The following ERBB4 variants were observed in gnomAD, a reference collection of about 807,000 sequenced individuals.
The protein encoded by ERBB4 is receptor tyrosine-protein kinase erbB-4.
ERBB4 carries 42 observed loss-of-function variants against 158.0 expected under a neutral mutation model. That is an observed-to-expected ratio of 0.27 (90% CI 0.21 to 0.34). ERBB4 has a LOEUF of 0.34. Ranked by LOEUF, ERBB4 falls within the 10% of genes least tolerant of loss-of-function variation. The pLI is 1.00. For missense variants in ERBB4, 1,333 were observed against 1,624.1 expected (o/e 0.82, Z 3.08); for synonymous variants, 583 against 558.7 (o/e 1.04, Z -0.61).
chr2:212,253,841 C>T (rs761138053), intron 1 of ERBB4, among the ~76,000 whole-genome samples: 2 of 152,130 alleles, frequency 1.3e-5, no homozygotes, highest in Non-Finnish European at 2.9e-5. Flanking sequence ...AGTGTATTTA[C>T]ACAAGTCCAC....
intron 3 of ERBB4, among the ~76,000 whole-genome samples, chr2:211,922,604 A>G (rs1471217987): frequency 6.6e-6 from 1 of 152,200 alleles, no homozygotes; most frequent in African/African-American, 2.4e-5. Context: ...TAAAAATAAT[A>G]TAACTGAGTA....
intron 1 of ERBB4, among the ~76,000 whole-genome samples, chr2:212,128,832 GAGA>G (rs1294950950): frequency 3.3e-5 from 5 of 152,108 alleles, no homozygotes; most frequent in East Asian, 1.9e-4. Context: ...TCAACATAAG[GAGA>G]AGAAGAAGAA....
chr2:212,045,175 C>T (rs1049732182), intron 2 of ERBB4, among the ~76,000 whole-genome samples: 2 of 152,092 alleles, frequency 1.3e-5, no homozygotes, highest in Admixed American at 1.3e-4. Flanking sequence ...GAGAATAAAA[C>T]TAGGCTGGGT....
chr2:212,259,812 G>A (rs1478552856), intron 1 of ERBB4, among the ~76,000 whole-genome samples: 1 of 152,112 alleles, frequency 6.6e-6, no homozygotes, highest in African/African-American at 2.4e-5. Flanking sequence ...GCTCACGCTT[G>A]TAATCCCAGC....
chr2:211,867,006 C>T (rs1339358287), intron 3 of ERBB4, among the ~76,000 whole-genome samples: 1 of 119,452 alleles, frequency 8.4e-6, no homozygotes, highest in African/African-American at 3.3e-5. Flanking sequence ...GCCTATTAAA[C>T]TCTCCATTCC....
chr2:212,361,686 A>AT (rs1217548670), intron 1 of ERBB4, among the ~76,000 whole-genome samples: 2 of 151,690 alleles, frequency 1.3e-5, no homozygotes, highest in Non-Finnish European at 3.0e-5. Flanking sequence ...AACTACTGTC[A>AT]TTTTGAAATC....
chr2:212,269,708 TACTC>T (rs2085275059), intron 1 of ERBB4, among the ~76,000 whole-genome samples: 1 of 151,828 alleles, frequency 6.6e-6, no homozygotes, highest in South Asian at 2.1e-4. Flanking sequence ...AGAATTGTAA[TACTC>T]AAGTCTAGTT....
chr2:212,011,010 T>A (rs1342278937), intron 2 of ERBB4, among the ~76,000 whole-genome samples: 1 of 152,180 alleles, frequency 6.6e-6, no homozygotes, highest in Non-Finnish European at 1.5e-5. Flanking sequence ...CTTCCCTTGT[T>A]CCCTAAAAAT....
chr2:212,165,819 T>C (rs1301451643), intron 1 of ERBB4, among the ~76,000 whole-genome samples: 1 of 152,066 alleles, frequency 6.6e-6, no homozygotes, highest in Non-Finnish European at 1.5e-5. Context: ...TGTAGTTGGA[T>C]TCTCTGTTAC....
chr2:212,120,664 A>G (rs1199296135), intron 2 of ERBB4, among the ~76,000 whole-genome samples: 1 of 152,200 alleles, frequency 6.6e-6, no homozygotes, highest in Non-Finnish European at 1.5e-5. Flanking sequence ...AAATACGGAT[A>G]AAAATCCTTT....
intron 25 of ERBB4, among the ~76,000 whole-genome samples, chr2:211,413,018 C>CAGTGCTGTG (rs2063297431): frequency 6.6e-6 from 1 of 151,266 alleles, no homozygotes; most frequent in South Asian, 2.1e-4. Flanking sequence ...TACTTAGGCC[C>CAGTGCTGTG]AGTGCTGTGG....
At chr2:211,696,313 A>C (rs149439338) in intron 12 of ERBB4, among the ~76,000 whole-genome samples, 44 of 151,916 alleles carry the variant, frequency 2.9e-4, no homozygotes, top group African/African-American at 1.0e-3. Flanking sequence ...GTTTCACCAT[A>C]TTGGCCAAGA....
chr2:211,438,988 GA>G (rs2063915842), intron 20 of ERBB4, among the ~76,000 whole-genome samples: 1 of 117,594 alleles, frequency 8.5e-6, no homozygotes, highest in African/African-American at 4.8e-5. Context: ...TAATATATTT[GA>G]GTGTGTGTGT....
chr2:211,619,308 A>C, intron 18 of ERBB4, 33 bp from the exon 19 acceptor site: 1 of 1,148,708 alleles, frequency 8.7e-7, no homozygotes, highest in Non-Finnish European at 1.3e-6. Context: ...TAAATATGAC[A>C]TCTCAACCTA....
At chr2:212,140,777 C>T (rs1211273143) in intron 1 of ERBB4, among the ~76,000 whole-genome samples, 1 of 150,782 alleles carries the variant, frequency 6.6e-6, no homozygotes, top group African/African-American at 2.4e-5. Context: ...CTGATCTACT[C>T]ATCTATAAAG....
At chr2:211,571,565 C>A (rs560239712) in intron 19 of ERBB4, among the ~76,000 whole-genome samples, 2 of 152,256 alleles carry the variant, frequency 1.3e-5, no homozygotes, top group East Asian at 3.9e-4. Context: ...TGAGCAGAAA[C>A]TAATAAGCTT....
intron 1 of ERBB4, among the ~76,000 whole-genome samples, chr2:212,255,944 C>G (rs2084714842): frequency 6.6e-6 from 1 of 151,762 alleles, no homozygotes; most frequent in East Asian, 1.9e-4. Flanking sequence ...CCTCAGCCTC[C>G]TGAGTACCTG....
At chr2:211,434,053 C>A (rs75238341) in intron 20 of ERBB4, among the ~76,000 whole-genome samples, 37 of 152,164 alleles carry the variant, frequency 2.4e-4, no homozygotes, top group African/African-American at 8.4e-4. Flanking sequence ...TTTGTTTGAA[C>A]GATGAAGAAA....
intron 25 of ERBB4, among the ~76,000 whole-genome samples, chr2:211,415,102 A>ATTTTTTT (rs1395575088): frequency 1.2e-4 from 10 of 81,008 alleles, no homozygotes; most frequent in African/African-American, 4.4e-4. Flanking sequence ...TGAAACTTAC[A>ATTTTTTT]TTTTCTTTTT....
Sources: allele counts gnomAD v4.1 joint callset (sites outside exome capture counted in the v4.1 genomes callset), GRCh38; gene constraint gnomAD v4.1.1; transcripts MANE v1.5; gene names NCBI Gene and HGNC (gene_info 2026-07-23, HGNC 2026-07-21).